The following IGF1R variants were observed in gnomAD, a reference collection of about 807,000 sequenced individuals.
IGF1R encodes the protein insulin-like growth factor 1 receptor.
In IGF1R, 44 loss-of-function variants were observed where a neutral mutation model predicts 144.6. That is an observed-to-expected ratio of 0.30 (90% CI 0.24 to 0.39). The LOEUF (loss-of-function observed/expected upper bound fraction) is 0.39, where lower values mean the gene tolerates loss of function less well. Among genes scored for constraint, IGF1R ranks in the 10% least tolerant of loss-of-function variants. The pLI is 1.00. For missense variants in IGF1R, 1,355 were observed against 1,833.7 expected (o/e 0.74, Z 4.77); for synonymous variants, 795 against 722.8 (o/e 1.10, Z -1.60).
At position 98,649,512 on chromosome 15, in the gene IGF1R, TTTC is replaced by T. The variant is rs1211693739; in HGVS notation, c.-67_-65del. Reference sequence around the variant, plus strand: ...GACTTGTTTCCTTTCATTTCCTTTTTTTCTTTTCTTTTCTTTTTTTTTTTTTTT... The same window carrying T: ...GACTTGTTTCCTTTCATTTCCTTTTTTTTTCTTTTCTTTTTTTTTTTTTTT... On this transcript the variant is annotated 5_prime_UTR_variant, in exon 1 of 21. Coordinates refer to ENST00000650285, the MANE Select transcript of IGF1R (RefSeq NM_000875.5). The T allele has an allele frequency of 5.1e-5, 50 of 978,404 alleles. No homozygotes were observed. In the African/African-American group the frequency reaches 6.0e-4, roughly 12 times the overall value. 60.6% of individuals were successfully genotyped at this position (978,404 alleles called of 1,614,324 possible). A position where few individuals can be genotyped will look rare whatever the true frequency, so the allele number is the denominator to read the frequency against.
Position 98,957,346 on chromosome 15 carries a change from C to A in IGF1R, c.4008C>A (p.Leu1336=), listed in dbSNP as rs766416952. 7 of 1,612,154 alleles carry A rather than the reference C, an allele frequency of 4.3e-6. No homozygotes were observed. The highest frequency in any genetic ancestry group is 5.9e-6 in the Non-Finnish European group (7 of 1,178,758). Residue 1336 remains leucine (L), a synonymous_variant, in exon 21 of 21, where the codon CTC becomes CTA. Coordinates refer to ENST00000650285, the MANE Select transcript of IGF1R (RefSeq NM_000875.5). The part of the protein sequence containing the change: ...ENGPGPGVLV[L]RASFDERQPY... ...GCCCCGGCCCTGGGGTGCTGGTCCTCCGCGCCAGCTTCGACGAGAGACAGC... is the reference window on the plus strand; with the variant it reads ...GCCCCGGCCCTGGGGTGCTGGTCCTACGCGCCAGCTTCGACGAGAGACAGC...
intron 2 of IGF1R, among the ~76,000 whole-genome samples, chr15:98,716,561 C>A (rs748903919): frequency 2.6e-5 from 4 of 152,154 alleles, no homozygotes; most frequent in South Asian, 2.1e-4. Context: ...CTGGATGTTA[C>A]AATGAGAGCT....
chr15:98,724,998 T>C (rs2054325126), intron 2 of IGF1R, among the ~76,000 whole-genome samples: 2 of 152,218 alleles, frequency 1.3e-5, no homozygotes, highest in African/African-American at 4.8e-5. Context: ...AACTTAAGAC[T>C]TGGAAAAGGA....
At chr15:98,766,081 G>T (rs1450003312) in intron 2 of IGF1R, among the ~76,000 whole-genome samples, 1 of 152,190 alleles carries the variant, frequency 6.6e-6, no homozygotes, top group African/African-American at 2.4e-5. Flanking sequence ...ATGGGGAAGG[G>T]TGTGGATGAA....
chr15:98,944,252 AT>A (rs879618258), intron 19 of IGF1R, among the ~76,000 whole-genome samples: 1 of 152,190 alleles, frequency 6.6e-6, no homozygotes, highest in Non-Finnish European at 1.5e-5. Flanking sequence ...AGTGTTGTTC[AT>A]ATCTCTCGGG....
chr15:98,847,651 C>A (rs2011384857), intron 2 of IGF1R, among the ~76,000 whole-genome samples: 1 of 152,212 alleles, frequency 6.6e-6, no homozygotes, highest in South Asian at 2.1e-4. Flanking sequence ...CTTTGAGGTG[C>A]ATTTTAGTTG....
At chr15:98,889,217 A>G (rs1036737416) in intron 2 of IGF1R, among the ~76,000 whole-genome samples, 2 of 152,266 alleles carry the variant, frequency 1.3e-5, no homozygotes, top group Non-Finnish European at 2.9e-5. Flanking sequence ...GGATGACTTC[A>G]AAAGAGAAAG....
intron 1 of IGF1R, among the ~76,000 whole-genome samples, chr15:98,666,892 A>G (rs959938608): frequency 6.6e-6 from 1 of 152,216 alleles, no homozygotes; most frequent in Non-Finnish European, 1.5e-5. Flanking sequence ...AAAATGTTAA[A>G]TTCTTTGTTG....
chr15:98,723,386 A>G (rs1260003785), intron 2 of IGF1R, among the ~76,000 whole-genome samples: 2 of 152,266 alleles, frequency 1.3e-5, no homozygotes, highest in Non-Finnish European at 2.9e-5. Flanking sequence ...TATGTTAAGT[A>G]TGCAGACATG....
intron 2 of IGF1R, among the ~76,000 whole-genome samples, chr15:98,839,512 C>T (rs1191770432): frequency 6.6e-6 from 1 of 152,224 alleles, no homozygotes; most frequent in Non-Finnish European, 1.5e-5. Context: ...TCAGACACCA[C>T]TCAGACTTCA....
At chr15:98,778,222 C>T (rs1418172161) in intron 2 of IGF1R, among the ~76,000 whole-genome samples, 3 of 152,170 alleles carry the variant, frequency 2.0e-5, no homozygotes, top group African/African-American at 7.2e-5. Context: ...TCCTCGGAGT[C>T]ATGCCACATG....
intron 2 of IGF1R, among the ~76,000 whole-genome samples, chr15:98,782,039 T>G (rs1246282377): frequency 1.3e-5 from 2 of 152,258 alleles, no homozygotes; most frequent in South Asian, 4.1e-4. Flanking sequence ...TGTTGCCCTG[T>G]CTGCTTGTGA....
At chr15:98,864,981 C>G (rs932501985) in intron 2 of IGF1R, among the ~76,000 whole-genome samples, 1 of 152,056 alleles carries the variant, frequency 6.6e-6, no homozygotes, top group Non-Finnish European at 1.5e-5. Flanking sequence ...GTAACTCATT[C>G]CAAATTAAAT....
intron 11 of IGF1R, among the ~76,000 whole-genome samples, chr15:98,922,717 C>A (rs45540337): frequency 2.6e-5 from 4 of 152,360 alleles, no homozygotes; most frequent in African/African-American, 9.6e-5. Flanking sequence ...TGGTGCACAT[C>A]GTGCATTCCT....
Position 98,947,195 on chromosome 15 carries a change from T to G in IGF1R, c.3588-1379T>G, listed in dbSNP as rs535036853. Reference sequence around the variant, plus strand: ...GACAGCATTTCTTGGTCACTTGTAATTAAAAAGGACCTTGGGTTGGTCTGT... The same window carrying G: ...GACAGCATTTCTTGGTCACTTGTAAGTAAAAAGGACCTTGGGTTGGTCTGT... On this transcript the variant is annotated intron_variant, in intron 19 of 20. Coordinates refer to ENST00000650285, the MANE Select transcript of IGF1R (RefSeq NM_000875.5). 5.9e-5 allele frequency among the ~76,000 whole-genome samples: 9 copies of G among 152,348 alleles called. No homozygotes were observed. In the South Asian group the frequency reaches 1.4e-3, roughly 25 times the overall value.
intron 2 of IGF1R, among the ~76,000 whole-genome samples, chr15:98,846,869 C>T (rs1374588132): frequency 6.6e-6 from 1 of 152,224 alleles, no homozygotes; most frequent in East Asian, 1.9e-4. Flanking sequence ...TGTGTGAACA[C>T]CTTGTTTTAG....
chr15:98,942,359 G>A (rs1596475477), intron 18 of IGF1R, among the ~76,000 whole-genome samples: 1 of 151,952 alleles, frequency 6.6e-6, no homozygotes, highest in Admixed American at 6.6e-5. Flanking sequence ...TTCAAGACAG[G>A]TTCTCACTCT....
intron 20 of IGF1R, among the ~76,000 whole-genome samples, chr15:98,951,701 G>A (rs866098335): frequency 3.3e-5 from 5 of 152,192 alleles, no homozygotes; most frequent in African/African-American, 9.6e-5. Flanking sequence ...TGCATGAATC[G>A]CCCTGTTCTA....
chr15:98,882,982 A>G (rs1418697563), intron 2 of IGF1R, among the ~76,000 whole-genome samples: 1 of 152,196 alleles, frequency 6.6e-6, no homozygotes, highest in African/African-American at 2.4e-5. Flanking sequence ...GCACCCCCAA[A>G]GTGCTGGTTC....
Sources: allele counts gnomAD v4.1 joint callset (sites outside exome capture counted in the v4.1 genomes callset), GRCh38; gene constraint gnomAD v4.1.1; transcripts MANE v1.5; gene names NCBI Gene and HGNC (gene_info 2026-07-23, HGNC 2026-07-21).